IGF2R: variants seen among roughly 807,000 people sequenced by gnomAD.
The protein encoded by IGF2R is insulin like growth factor 2 receptor, also known as cation-independent mannose-6-phosphate receptor.
A neutral mutation model predicts 270.6 loss-of-function variants in IGF2R; 91 were observed. That is an observed-to-expected ratio of 0.34 (90% CI 0.28 to 0.40). The LOEUF (loss-of-function observed/expected upper bound fraction) is 0.40, where lower values mean the gene tolerates loss of function less well. Among genes scored for constraint, IGF2R ranks in the 10% least tolerant of loss-of-function variants. The pLI, the probability that IGF2R is intolerant of heterozygous loss-of-function variation, is 1.00. For missense variants in IGF2R, 2,805 were observed against 3,188.3 expected, an observed-to-expected ratio of 0.88 and a Z score of 2.90; for synonymous variants, 1,316 against 1,258.9, an observed-to-expected ratio of 1.05 and a Z score of -0.96.
At chr6:159,974,706 C>T (rs1014025223) in intron 1 of IGF2R, among the ~76,000 whole-genome samples, 1 of 152,090 alleles carries the variant, frequency 6.6e-6, no homozygotes, top group African/African-American at 2.4e-5. Flanking sequence ...AGACTATACT[C>T]TACCACTCCC....
intron 5 of IGF2R, among the ~76,000 whole-genome samples, chr6:160,025,593 TTATG>T (rs1297802718): frequency 6.6e-6 from 1 of 152,204 alleles, no homozygotes; most frequent in African/African-American, 2.4e-5. Context: ...ACTATCTTGT[TTATG>T]TATTATTTCT....
chr6:160,085,974 A>AG (rs1463138023), intron 41 of IGF2R, among the ~76,000 whole-genome samples: 3 of 152,236 alleles, frequency 2.0e-5, no homozygotes, highest in Non-Finnish European at 4.4e-5. Flanking sequence ...CTGCCCCAGA[A>AG]GGGGGAAGGA....
intron 4 of IGF2R, among the ~76,000 whole-genome samples, chr6:160,017,939 T>C (rs1373988768): frequency 6.6e-6 from 1 of 152,100 alleles, no homozygotes; most frequent in Non-Finnish European, 1.5e-5. Context: ...AAAACAATTA[T>C]TCAAACAAGA....
At position 160,044,496 on chromosome 6, in the gene IGF2R, T is replaced by TC; in HGVS notation, c.1622-13dup. The TC allele has an allele frequency of 6.3e-7, 1 of 1,579,302 alleles. No homozygotes were observed. Among genetic ancestry groups the TC allele is most frequent in the Non-Finnish European group, 8.7e-7 (1 of 1,154,760 alleles). On this transcript the variant is annotated splice_polypyrimidine_tract_variant and intron_variant, in intron 12 of 47. Coordinates refer to ENST00000356956, the MANE Select transcript of IGF2R (RefSeq NM_000876.4). ...ATTTTTAACCACATCTTCTGTTTTC[T>TC]CCCCCTTTCTCTTCCAGATAAAAAT...
rs1169621135 is a variant in IGF2R at position 160,072,617 on chromosome 6, C to CTG, written c.4571-146_4571-145dup. The CTG allele has an allele frequency of 4.0e-6, 3 of 754,968 alleles. No homozygotes were observed. In the East Asian group the frequency reaches 8.0e-5, roughly 20 times the overall value. The allele number at this position is 754,968 out of a possible 1,614,324, so 46.8% of individuals were successfully genotyped here. A position where few individuals can be genotyped will look rare whatever the true frequency, so the allele number is the denominator to read the frequency against. ...CTGACAGTCTCATGATACAGCCTGG[C>CTG]TGTTGGTGGAGGATTTAGGACAGGG... On this transcript the variant is annotated intron_variant, in intron 32 of 47. Transcript: ENST00000356956.
chr6:159,993,985 ATTTT>A (rs59369382), intron 2 of IGF2R, among the ~76,000 whole-genome samples: 10 of 61,030 alleles, frequency 1.6e-4, no homozygotes, highest in African/African-American at 5.1e-4. Flanking sequence ...CTCCAACTTG[ATTTT>A]TTTTTTTTTT....
chr6:160,073,272 G>A lies in IGF2R; in HGVS notation c.4750G>A (p.Val1584Met), dbSNP rs140858283. The A allele has an allele frequency of 2.2e-5, 36 of 1,614,156 alleles. No individual in the cohort carries two copies. The highest frequency in any genetic ancestry group is 5.0e-5 in the Admixed American group (3 of 60,012). Residue 1584 changes from valine to methionine, a missense_variant, in exon 34 of 48, where the codon GTG (valine) becomes ATG (methionine). Coordinates refer to ENST00000356956, the MANE Select transcript of IGF2R (RefSeq NM_000876.4). Reference sequence around the variant, plus strand: ...CAAGGCCAACAAGAGGCTGAGATACGTGGACCAGGTCCTGCAGCTGGTGTA... The same window carrying A: ...CAAGGCCAACAAGAGGCTGAGATACATGGACCAGGTCCTGCAGCTGGTGTA... ...VGKANKRLRY[V>M]DQVLQLVYKD...
In IGF2R at chr6:160,032,548, T is replaced by C. The variant is rs1011801370; in HGVS notation, c.883-3T>C. The C allele has an allele frequency of 1.9e-6, 3 of 1,613,460 alleles. No individual in the cohort carries two copies. The highest frequency in any genetic ancestry group is 2.7e-5 in the African/African-American group (2 of 75,018). On this transcript the variant is annotated splice_region_variant and splice_polypyrimidine_tract_variant and intron_variant, in intron 7 of 47. Transcript: ENST00000356956. ...TTTGCTTCTTTCACATTGTTCCTGATAGGGCACCATTCCCAAACTCACAGC... is the reference window on the plus strand; with the variant it reads ...TTTGCTTCTTTCACATTGTTCCTGACAGGGCACCATTCCCAAACTCACAGC...
intron 4 of IGF2R, among the ~76,000 whole-genome samples, chr6:160,011,751 T>G (rs1784339030): frequency 6.6e-6 from 1 of 152,176 alleles, no homozygotes. Flanking sequence ...TCCCTGGTCC[T>G]GGGGAAGAGC....
At chr6:160,046,715 G>C in intron 15 of IGF2R, 70 bp downstream of exon 15, 1 of 1,496,020 alleles carries the variant, frequency 6.7e-7, no homozygotes, top group Non-Finnish European at 9.1e-7. Context: ...TCAGGAATAG[G>C]TGTGTTCTCA....
intron 44 of IGF2R, chr6:160,095,586 A>C (rs1435858146): frequency 6.6e-6 from 1 of 152,244 alleles, no homozygotes; most frequent in East Asian, 1.9e-4. Flanking sequence ...CTGGTTTCCC[A>C]GCTCCTTGTG....
chr6:160,060,415 G>C lies in IGF2R; in HGVS notation c.3092-132G>C, dbSNP rs543848606. 1.4e-5 allele frequency: 11 copies of C among 795,912 alleles called. 1 individual carries two copies. In the South Asian group the frequency reaches 1.7e-4, roughly 12 times the overall value. The allele number at this position is 795,912 out of a possible 1,614,324, so 49.3% of individuals were successfully genotyped here. ...CCCTCGATACACACTTGGTGCCCTG[G>C]TGTCATTGCTCCCACGAACGGCTGT... On this transcript the variant is annotated intron_variant, in intron 22 of 47. Coordinates refer to ENST00000356956, the MANE Select transcript of IGF2R (RefSeq NM_000876.4).
At chr6:160,019,381 T>C (rs1303501264) in intron 4 of IGF2R, among the ~76,000 whole-genome samples, 3 of 152,132 alleles carry the variant, frequency 2.0e-5, no homozygotes, top group Non-Finnish European at 4.4e-5. Flanking sequence ...AGCTGAATTC[T>C]CCCAGAGGCA....
intron 46 of IGF2R, 49 bp from the exon 47 acceptor site, chr6:160,103,697 C>G (rs367549727): frequency 1.2e-4 from 162 of 1,395,100 alleles, no homozygotes; most frequent in Non-Finnish European, 1.6e-4. Context: ...GGGCTCCTGC[C>G]CATGCCCTCT....
intron 2 of IGF2R, among the ~76,000 whole-genome samples, chr6:159,996,372 G>A (rs1784053867): frequency 6.6e-6 from 1 of 152,180 alleles, no homozygotes; most frequent in African/African-American, 2.4e-5. Context: ...TTTAATGGGG[G>A]AAGCTCTGTT....
intron 10 of IGF2R, among the ~76,000 whole-genome samples, chr6:160,034,889 C>T (rs1777779117): frequency 1.3e-5 from 2 of 152,150 alleles, no homozygotes; most frequent in Non-Finnish European, 2.9e-5. Flanking sequence ...ATTGAGTGAC[C>T]TCTTCTTTTA....
rs1461079755 is a variant in IGF2R, at chr6:160,047,875, C to A, written c.2313C>A (p.Asp771Glu). The A allele has an allele frequency of 3.7e-6, 6 of 1,613,406 alleles. No homozygotes were observed. Among genetic ancestry groups the A allele is most frequent in the South Asian group, 1.1e-5 (1 of 91,074 alleles). ...AGCCCCTGGAATGCGTAGTGACCGA[C>A]CCCTCCACGCTGGAGCAGTACGACC... ...PEEPLECVVT[D>E]PSTLEQYDLS... The change falls in exon 17 of 48, where the codon GAC becomes GAA. Residue 771 changes from aspartate (D) to glutamate (E), a missense_variant. Asp to Glu is a conservative substitution (Grantham distance 45). Around this residue, in one of 2 missense-constraint regions of IGF2R, gnomAD observed 954 missense variants for 981.1 expected, o/e 0.97. Coordinates refer to ENST00000356956, the MANE Select transcript of IGF2R (RefSeq NM_000876.4).
intron 19 of IGF2R, among the ~76,000 whole-genome samples, chr6:160,051,944 C>T (rs961308592): frequency 6.7e-6 from 1 of 150,220 alleles, no homozygotes; most frequent in Non-Finnish European, 1.5e-5. Context: ...ACAAAGCGAG[C>T]CCCTGTCTCA....
Position 160,058,101 on chromosome 6 carries a change from T to G in IGF2R, c.2875T>G (p.Ser959Ala). 6.2e-7 allele frequency: 1 copy of G among 1,611,742 alleles called. No homozygotes were observed. The highest frequency in any genetic ancestry group is 2.2e-5 in the East Asian group (1 of 44,874). ...PLNSSQGYNV[S>A]GIGKIFMFNV... ...AAACAGTTCGCAAGGATATAACGTC[T>G]CTGGCATTGGGAAGATTTTTATGGT... is the stretch of plus-strand genomic sequence containing the variant. The change falls in exon 21 of 48, where the codon TCT becomes GCT. Residue 959 changes from serine to alanine, a missense_variant. By Grantham distance (99) the Ser-to-Ala change is moderately conservative (BLOSUM62 1). Around this residue, in one of 2 missense-constraint regions of IGF2R, gnomAD observed 1,851 missense variants for 2,207.2 expected, o/e 0.84. Coordinates refer to ENST00000356956, the MANE Select transcript of IGF2R (RefSeq NM_000876.4).
Sources: gnomAD v4.1 joint callset for allele counts (sites outside exome capture counted in the v4.1 genomes callset) on GRCh38, gnomAD v4.1.1 for gene constraint, gnomAD v4.1.1 regional missense constraint, MANE v1.5 for transcripts, NCBI Gene and HGNC (gene_info 2026-07-23, HGNC 2026-07-21) for gene names.